SLC41A3: variants seen among roughly 807,000 people sequenced by gnomAD.
SLC41A3 encodes solute carrier family 41 member 3.
In SLC41A3, 44 loss-of-function variants were observed where a neutral mutation model predicts 45.4. That is an observed-to-expected ratio of 0.97 (90% CI 0.76 to 1.25). The LOEUF is 1.25. SLC41A3 is among the 50% of genes most tolerant of loss of function. The pLI is 0.00. For missense variants in SLC41A3, 550 were observed against 600.6 expected (o/e 0.92, Z 0.88); for synonymous variants, 256 against 252.4 (o/e 1.01, Z -0.13).
chr3:126,011,259 C>T (rs1051587127), intron 9 of SLC41A3, among the ~76,000 whole-genome samples: 1 of 152,048 alleles, frequency 6.6e-6, no homozygotes, highest in Non-Finnish European at 1.5e-5. Context: ...GAAAGAAGAA[C>T]CAAATGGAAA....
intron 4 of SLC41A3, among the ~76,000 whole-genome samples, chr3:126,029,369 C>CCA (rs1941623095): frequency 6.6e-6 from 1 of 151,006 alleles, no homozygotes; most frequent in Non-Finnish European, 1.5e-5. Context: ...GTGGCACTCC[C>CCA]TCCCCCACCA....
At chr3:126,097,351 A>C (rs114288686) in intron 1 of SLC41A3, among the ~76,000 whole-genome samples, 2 of 151,928 alleles carry the variant, frequency 1.3e-5, no homozygotes, top group African/African-American at 4.8e-5. Flanking sequence ...TTCAATTAAC[A>C]TTTTGCTGTT....
Position 126,015,506 on chromosome 3 carries a change from G to T in SLC41A3, c.958C>A (p.Pro320Thr). 2 of 1,614,162 alleles carry T rather than the reference G, an allele frequency of 1.2e-6. No individual in the cohort carries two copies. The change falls in exon 8 of 11, where the codon CCC becomes ACC. Residue 320 changes from proline (P) to threonine (T), a missense_variant. Coordinates refer to ENST00000360370, the MANE Select transcript of SLC41A3 (RefSeq NM_017836.4). ...TTCAAATACGTACCACATATGACGGGGGTAAATATCGCCATGCCTTTGTAC... is the reference window on the plus strand; with the variant it reads ...TTCAAATACGTACCACATATGACGGTGGTAAATATCGCCATGCCTTTGTAC... ...QQYKGMAIFTPVICGVGGNLV... is the reference protein window; with the variant it reads ...QQYKGMAIFTTVICGVGGNLV...
intron 1 of SLC41A3, chr3:126,095,111 G>A (rs919944511): frequency 2.2e-5 from 13 of 595,884 alleles, no homozygotes; most frequent in Non-Finnish European, 3.9e-5. Context: ...CTGATTTGGT[G>A]GTGAGATCCA....
chr3:126,033,496 A>C, intron 4 of SLC41A3, 111 bp downstream of exon 4: 1 of 1,210,028 alleles, frequency 8.3e-7, no homozygotes, highest in Non-Finnish European at 1.2e-6. Flanking sequence ...ACCTGTTCTC[A>C]AAGTTCAGGC....
intron 6 of SLC41A3, among the ~76,000 whole-genome samples, chr3:126,022,326 T>C (rs1322889671): frequency 6.6e-6 from 1 of 152,246 alleles, no homozygotes; most frequent in Non-Finnish European, 1.5e-5. Flanking sequence ...TTTTTTGCTT[T>C]AGTGTATTTG....
chr3:126,067,087 T>G (rs1944381809), intron 2 of SLC41A3, among the ~76,000 whole-genome samples: 2 of 129,636 alleles, frequency 1.5e-5, no homozygotes, highest in South Asian at 5.0e-4. Flanking sequence ...GTCTGTGGGT[T>G]GGACCGCCCC....
chr3:126,031,647 A>G (rs1025973922), intron 4 of SLC41A3, among the ~76,000 whole-genome samples: 1 of 152,264 alleles, frequency 6.6e-6, no homozygotes, highest in Admixed American at 6.5e-5. Flanking sequence ...AATTACATTC[A>G]TGCTAGGATT....
At chr3:126,032,971 C>A (rs1012057305) in intron 4 of SLC41A3, among the ~76,000 whole-genome samples, 5 of 152,192 alleles carry the variant, frequency 3.3e-5, no homozygotes, top group African/African-American at 9.7e-5. Flanking sequence ...CTGAGCCAAT[C>A]TTTTCCTCAT....
chr3:126,026,601 C>T lies in SLC41A3; in HGVS notation c.454-122G>A, dbSNP rs1941375807. On this transcript the variant is annotated intron_variant, in intron 4 of 10. Transcript: ENST00000360370. This position sits in a 1 kb window ranked among gnomAD's most constrained non-coding sequence, Gnocchi z 4.2. ...ACATGCTACTGCCTCCTTTCCCTTA[C>T]CCTAAAATCTCACAGGCCCTCACCC... is the stretch of plus-strand genomic sequence containing the variant. 2 of 1,295,170 alleles carry T rather than the reference C, an allele frequency of 1.5e-6. No homozygotes were observed. Among genetic ancestry groups the T allele is most frequent in the Non-Finnish European group, 2.1e-6 (2 of 944,642 alleles). The allele number at this position is 1,295,170 out of a possible 1,614,324, so 80.2% of individuals were successfully genotyped here. A position where few individuals can be genotyped will look rare whatever the true frequency, so the allele number is the denominator to read the frequency against.
Position 126,052,836 on chromosome 3 carries a change from C to T in SLC41A3, c.274-1786G>A, listed in dbSNP as rs115517931. Among the ~76,000 whole-genome samples, 272 of 152,304 alleles carry T rather than the reference C, an allele frequency of 1.8e-3. 1 individual carries two copies. Among genetic ancestry groups the T allele is most frequent in the African/African-American group, 6.4e-3 (267 of 41,564 alleles). On this transcript the variant is annotated intron_variant, in intron 2 of 10. Coordinates refer to ENST00000360370, the MANE Select transcript of SLC41A3 (RefSeq NM_017836.4). ...TGCTTTCTTTTCAGTTCTCCTTTCT[C>T]CTCACACCCTCTCCCTTCCGCAGCT... is the stretch of plus-strand genomic sequence containing the variant.
chr3:126,093,971 G>A (rs1315163126), intron 1 of SLC41A3, among the ~76,000 whole-genome samples: 1 of 152,170 alleles, frequency 6.6e-6, no homozygotes, highest in Non-Finnish European at 1.5e-5. Flanking sequence ...ATTTAACATA[G>A]TTAGAGTTGG....
At chr3:126,010,554 A>T (rs1228631368) in intron 9 of SLC41A3, among the ~76,000 whole-genome samples, 1 of 152,244 alleles carries the variant, frequency 6.6e-6, no homozygotes, top group Admixed American at 6.5e-5. Context: ...CAACTTTCAG[A>T]CAATAACTCT....
intron 3 of SLC41A3, among the ~76,000 whole-genome samples, chr3:126,040,090 G>A (rs937805439): frequency 6.6e-6 from 1 of 152,222 alleles, no homozygotes; most frequent in African/African-American, 2.4e-5. Flanking sequence ...GCCCAAGAGC[G>A]GGTGGGGCAT....
rs56681674 is a variant in SLC41A3, at chr3:126,038,499, G to A, written c.382-4821C>T. 9.8e-5 allele frequency among the ~76,000 whole-genome samples: 15 copies of A among 152,356 alleles called. No individual in the cohort carries two copies. The East Asian group carries it at 2.7e-3, about 27-fold the overall frequency. On this transcript the variant is annotated intron_variant, in intron 3 of 10. Coordinates refer to ENST00000360370, the MANE Select transcript of SLC41A3 (RefSeq NM_017836.4). The stretch of plus-strand genomic sequence containing the variant: ...ACATGGAGTCAAGGGAGATTATTAC[G>A]GAGCTTTAAAATGTAATGCCTGTCT...
intron 1 of SLC41A3, among the ~76,000 whole-genome samples, chr3:126,070,906 CATAA>C (rs1465520877): frequency 2.6e-5 from 4 of 151,648 alleles, no homozygotes; most frequent in Non-Finnish European, 5.9e-5. Flanking sequence ...AAGACAACCA[CATAA>C]ATCAAGTTGG....
intron 3 of SLC41A3, among the ~76,000 whole-genome samples, chr3:126,034,274 T>C (rs927628550): frequency 4.6e-5 from 7 of 152,164 alleles, no homozygotes; most frequent in African/African-American, 1.7e-4. Flanking sequence ...AAAACTGAGA[T>C]CATAAATATG....
At chr3:126,034,006 C>T (rs1364223171) in intron 3 of SLC41A3, among the ~76,000 whole-genome samples, 1 of 152,104 alleles carries the variant, frequency 6.6e-6, no homozygotes, top group East Asian at 1.9e-4. Context: ...CATAGAGGCA[C>T]ACATGCATGC....
chr3:126,015,501 G>T lies in SLC41A3; in HGVS notation c.963C>A (p.Val321=). 6.2e-7 allele frequency: 1 copy of T among 1,614,208 alleles called. No individual in the cohort carries two copies. Among genetic ancestry groups the T allele is most frequent in the South Asian group, 1.1e-5 (1 of 91,072 alleles). Reference sequence around the variant, plus strand: ...AACCCTTCAAATACGTACCACATATGACGGGGGTAAATATCGCCATGCCTT... The same window carrying T: ...AACCCTTCAAATACGTACCACATATTACGGGGGTAAATATCGCCATGCCTT... ...QYKGMAIFTP[V]ICGVGGNLVA... The change falls in exon 8 of 11, where the codon GTC becomes GTA. Residue 321 remains valine, a synonymous_variant. Coordinates refer to ENST00000360370, the MANE Select transcript of SLC41A3 (RefSeq NM_017836.4).
Sources: allele counts gnomAD v4.1 joint callset (sites outside exome capture counted in the v4.1 genomes callset), GRCh38; gene constraint gnomAD v4.1.1; non-coding constraint Gnocchi (gnomAD v3.1); transcripts MANE v1.5; gene names NCBI Gene and HGNC (gene_info 2026-07-23, HGNC 2026-07-21).